RASGRF2: variants seen among roughly 807,000 people sequenced by gnomAD.
RASGRF2 encodes ras-specific guanine nucleotide-releasing factor 2.
Under a neutral mutation model 151.0 loss-of-function variants are expected in RASGRF2, and 76 were observed. That is an observed-to-expected ratio of 0.50 (90% CI 0.42 to 0.61). RASGRF2 has a LOEUF of 0.61. RASGRF2 is among the 20% of genes least tolerant of loss of function. The pLI is 0.00. For synonymous variants in RASGRF2, 504 were observed against 566.5 expected, an observed-to-expected ratio of 0.89 and a Z score of 1.57; for missense variants, 1,148 against 1,564.6, an observed-to-expected ratio of 0.73 and a Z score of 4.49.
At chr5:81,056,925 GT>G (rs1751235123) in intron 2 of RASGRF2, among the ~76,000 whole-genome samples, 1 of 152,040 alleles carries the variant, frequency 6.6e-6, no homozygotes, top group Admixed American at 6.5e-5. Flanking sequence ...TTTAAAGTCT[GT>G]TTTATCAGAG....
At chr5:81,034,552 A>T (rs1325887463) in intron 1 of RASGRF2, among the ~76,000 whole-genome samples, 1 of 152,000 alleles carries the variant, frequency 6.6e-6, no homozygotes, top group Non-Finnish European at 1.5e-5. Context: ...ACCAACCCAA[A>T]TGTCCAAGAA....
chr5:81,046,931 C>T (rs1261966873), intron 2 of RASGRF2, among the ~76,000 whole-genome samples: 3 of 152,100 alleles, frequency 2.0e-5, no homozygotes, highest in Non-Finnish European at 4.4e-5. Flanking sequence ...CTTGACTAAG[C>T]CTAATACCCA....
rs561836203 is a variant in RASGRF2, at chr5:81,016,864, A to AAAAT, written c.289-26011_289-26008dup. Among the ~76,000 whole-genome samples the AAAAT allele has an allele frequency of 1.4e-4, 22 of 152,292 alleles. No individual in the cohort carries two copies. The East Asian group carries it at 3.9e-3, about 27-fold the overall frequency. ...ACTCTTGCATGTCATTCAAGCTTAA[A>AAAAT]AAATATAAACTCCTCTCTAAGCCTT... On this transcript the variant is annotated intron_variant, in intron 1 of 26. Transcript: ENST00000265080.
intron 25 of RASGRF2, 84 bp downstream of exon 25, chr5:81,217,557 C>CT (rs35574358): frequency 0.017 from 7,032 of 423,480 alleles, 1 homozygote; most frequent in East Asian, 0.026. Flanking sequence ...TCAATGTCTG[C>CT]TTTTTTTTTT....
intron 1 of RASGRF2, among the ~76,000 whole-genome samples, chr5:80,986,535 A>G (rs1168681175): frequency 6.6e-6 from 1 of 152,216 alleles, no homozygotes; most frequent in East Asian, 1.9e-4. Context: ...GGAGAGGGGC[A>G]TTCTGTATGG....
intron 2 of RASGRF2, among the ~76,000 whole-genome samples, chr5:81,058,864 A>G (rs1384590677): frequency 6.6e-6 from 1 of 151,786 alleles, no homozygotes; most frequent in Admixed American, 6.6e-5. Context: ...ATCATATTAG[A>G]TCATATTAGA....
intron 15 of RASGRF2, among the ~76,000 whole-genome samples, chr5:81,117,662 A>G (rs533849138): frequency 4.2e-4 from 64 of 152,260 alleles, no homozygotes; most frequent in African/African-American, 1.4e-3. Context: ...ATAGCCCCCA[A>G]AGTCTTAACT....
intron 1 of RASGRF2, among the ~76,000 whole-genome samples, chr5:81,026,787 C>T (rs1239734140): frequency 1.3e-5 from 2 of 152,018 alleles, no homozygotes; most frequent in Non-Finnish European, 2.9e-5. Context: ...AGGCAGAGGA[C>T]AGGTTATATT....
intron 17 of RASGRF2, 144 bp from the exon 18 acceptor site, chr5:81,180,031 A>G: frequency 1.7e-6 from 1 of 586,848 alleles, no homozygotes; most frequent in Non-Finnish European, 3.1e-6. Context: ...CGGAATTCAC[A>G]ATAGTCTGAA....
intron 15 of RASGRF2, among the ~76,000 whole-genome samples, chr5:81,118,797 C>T (rs1422879727): frequency 2.0e-5 from 3 of 152,272 alleles, no homozygotes; most frequent in African/African-American, 7.2e-5. Context: ...TTATAAATTT[C>T]TTCCACCAGG....
At chr5:81,087,388 T>C (rs1020544157) in intron 9 of RASGRF2, 7 of 697,854 alleles carry the variant, frequency 1.0e-5, no homozygotes, top group Non-Finnish European at 1.8e-5. Context: ...GTTGTTCCCA[T>C]TTTTCATCAG....
intron 1 of RASGRF2, among the ~76,000 whole-genome samples, chr5:80,971,860 C>T (rs1036583546): frequency 4.0e-5 from 6 of 150,094 alleles, no homozygotes; most frequent in African/African-American, 9.8e-5. Context: ...CATGAGCCAC[C>T]GCACTCCACC....
chr5:81,178,286 AGGAAT>A (rs1490124377), intron 17 of RASGRF2, among the ~76,000 whole-genome samples: 4 of 152,356 alleles, frequency 2.6e-5, no homozygotes, highest in African/African-American at 9.6e-5. Context: ...AAGATAGGAC[AGGAAT>A]AATTCCAAAG....
chr5:81,216,401 A>G (rs1755741190), intron 24 of RASGRF2, among the ~76,000 whole-genome samples: 2 of 123,974 alleles, frequency 1.6e-5, no homozygotes, highest in South Asian at 5.3e-4. Flanking sequence ...ACACACACGC[A>G]GAGAGAGAGA....
chr5:80,972,539 G>T (rs1243850394), intron 1 of RASGRF2, among the ~76,000 whole-genome samples: 3 of 152,124 alleles, frequency 2.0e-5, no homozygotes, highest in African/African-American at 2.4e-5. Context: ...GAGTGCAGTG[G>T]TATGAGCTCA....
chr5:81,173,926 T>C (rs1754716030), intron 17 of RASGRF2, among the ~76,000 whole-genome samples: 1 of 152,232 alleles, frequency 6.6e-6, no homozygotes. Context: ...TGGAACATAG[T>C]AGGTGCTTTA....
At chr5:81,197,462 C>CAAAAAAAA (rs10674027) in intron 18 of RASGRF2, among the ~76,000 whole-genome samples, 8 of 63,710 alleles carry the variant, frequency 1.3e-4, no homozygotes, top group Non-Finnish European at 1.6e-4. Flanking sequence ...GACTCCGTCT[C>CAAAAAAAA]AAAAAAAAAA....
chr5:81,013,067 C>A (rs1340485400), intron 1 of RASGRF2, among the ~76,000 whole-genome samples: 1 of 152,116 alleles, frequency 6.6e-6, no homozygotes, highest in Non-Finnish European at 1.5e-5. Flanking sequence ...CTGCAACACC[C>A]CCACAGAGTT....
Position 81,068,272 on chromosome 5 carries a change from T to A in RASGRF2, c.543+93T>A, listed in dbSNP as rs529019681. ...AGGCCTATTCAGGGCAACATTTTAA[T>A]CCCAGGCTGACTTCCTCTGACATCA... On this transcript the variant is annotated intron_variant, in intron 3 of 26. Coordinates refer to ENST00000265080, the MANE Select transcript of RASGRF2 (RefSeq NM_006909.3). The A allele has an allele frequency of 2.1e-6, 3 of 1,433,254 alleles. No homozygotes were observed. The South Asian group carries it at 4.4e-5, about 21-fold the overall frequency. The allele number at this position is 1,433,254 out of a possible 1,614,324, so 88.8% of individuals were successfully genotyped here.
Sources: allele counts gnomAD v4.1 joint callset (sites outside exome capture counted in the v4.1 genomes callset), GRCh38; gene constraint gnomAD v4.1.1; transcripts MANE v1.5; gene names NCBI Gene and HGNC (gene_info 2026-07-23, HGNC 2026-07-21).